Variants in RBFOX1 observed in about 807,000 individuals in gnomAD.
RBFOX1 encodes RNA binding fox-1 homolog 1, also known as RNA binding protein fox-1 homolog 1.
A neutral mutation model predicts 57.7 loss-of-function variants in RBFOX1; 8 were observed. The ratio of observed to expected loss-of-function variants is 0.14; its 90% confidence interval spans 0.08 to 0.25. The LOEUF (loss-of-function observed/expected upper bound fraction) is 0.25, where lower values mean the gene tolerates loss of function less well. Ranked by LOEUF, RBFOX1 falls within the 10% of genes least tolerant of loss-of-function variation. RBFOX1 has a pLI of 1.00. For missense variants in RBFOX1, 611 were observed against 548.5 expected (o/e 1.11, Z -1.14); for synonymous variants, 326 against 222.4 (o/e 1.47, Z -4.15).
intron 2 of RBFOX1, among the ~76,000 whole-genome samples, chr16:6,627,174 T>C (rs1408587405): frequency 6.6e-6 from 1 of 152,108 alleles, no homozygotes; most frequent in Non-Finnish European, 1.5e-5. Flanking sequence ...CCTACAACCA[T>C]ATCTAGATCT....
intron 3 of RBFOX1, among the ~76,000 whole-genome samples, chr16:7,025,317 A>G (rs537696374): frequency 6.6e-6 from 1 of 152,230 alleles, no homozygotes; most frequent in East Asian, 2.0e-4. Flanking sequence ...GGACGACCAG[A>G]GGTCCCTCTC....
At chr16:7,603,694 A>G (rs1346307124) in intron 9 of RBFOX1, among the ~76,000 whole-genome samples, 1 of 152,176 alleles carries the variant, frequency 6.6e-6, no homozygotes, top group African/African-American at 2.4e-5. Flanking sequence ...AAAGATGAAA[A>G]TGGCCAGTGT....
intron 4 of RBFOX1, among the ~76,000 whole-genome samples, chr16:7,381,852 G>T (rs573632944): frequency 3.3e-5 from 5 of 152,254 alleles, no homozygotes; most frequent in South Asian, 2.1e-4. Context: ...TGAGTGCTTT[G>T]TTGGGCATTT....
At chr16:6,977,562 A>T (rs1027958163) in intron 3 of RBFOX1, among the ~76,000 whole-genome samples, 1 of 152,040 alleles carries the variant, frequency 6.6e-6, no homozygotes, top group Non-Finnish European at 1.5e-5. Flanking sequence ...TGACAATTGG[A>T]CACACGTCTG....
intron 2 of RBFOX1, chr16:6,483,707 G>A (rs1420354490): frequency 7.0e-7 from 1 of 1,429,676 alleles, no homozygotes; most frequent in South Asian, 1.4e-5. Flanking sequence ...GGCGACAGGG[G>A]GAGGAGTGTG....
intron 4 of RBFOX1, among the ~76,000 whole-genome samples, chr16:7,359,060 A>T (rs999741874): frequency 6.6e-5 from 10 of 152,202 alleles, no homozygotes; most frequent in African/African-American, 1.9e-4. Context: ...CTCACTTGGT[A>T]ATTGTCAGCT....
At chr16:7,092,187 C>G (rs912158383) in intron 4 of RBFOX1, among the ~76,000 whole-genome samples, 2 of 152,174 alleles carry the variant, frequency 1.3e-5, no homozygotes, top group African/African-American at 4.8e-5. Context: ...TACAAAGTTA[C>G]AAGGTATACC....
intron 3 of RBFOX1, among the ~76,000 whole-genome samples, chr16:6,783,832 T>C (rs1026293432): frequency 6.6e-6 from 1 of 152,142 alleles, no homozygotes; most frequent in African/African-American, 2.4e-5. Flanking sequence ...ACAGATCTAG[T>C]GTTGATGAAT....
chr16:5,594,969 T>TAAA (rs34885484), intron 2 of RBFOX1, among the ~76,000 whole-genome samples: 40 of 90,450 alleles, frequency 4.4e-4, no homozygotes, highest in African/African-American at 1.8e-3. Context: ...CTGTCTCTAC[T>TAAA]AAAAAAAAAA....
At chr16:7,461,843 G>T (rs752409565) in intron 4 of RBFOX1, among the ~76,000 whole-genome samples, 48 of 152,214 alleles carry the variant, frequency 3.2e-4, no homozygotes, top group Non-Finnish European at 2.6e-4. Flanking sequence ...ATGTGAGGGG[G>T]CACAGGCATT....
intron 4 of RBFOX1, among the ~76,000 whole-genome samples, chr16:7,368,789 A>G (rs947116035): frequency 6.7e-6 from 1 of 150,256 alleles, no homozygotes; most frequent in Non-Finnish European, 1.5e-5. Flanking sequence ...CAAAAAAAAA[A>G]AAAAAAATAA....
In RBFOX1 at chr16:6,421,844, C is replaced by G. The variant is rs200764275; in HGVS notation, c.-64+104787C>G. On this transcript the variant is annotated intron_variant, in intron 2 of 15. Transcript: ENST00000550418. ...CCGTCTTATGCTAAAAGACCTCCCC[C>G]CTCCTCAGTCACAAATCCCATCAAA... Among the ~76,000 whole-genome samples the G allele has an allele frequency of 3.4e-5, 5 of 148,034 alleles. No individual in the cohort carries two copies. In the East Asian group the frequency reaches 7.7e-4, roughly 23 times the overall value.
chr16:7,472,730 C>G (rs1436465773), intron 4 of RBFOX1, among the ~76,000 whole-genome samples: 2 of 152,066 alleles, frequency 1.3e-5, no homozygotes, highest in Non-Finnish European at 2.9e-5. Flanking sequence ...GACAGGAAAA[C>G]CAAGTTCCCA....
intron 1 of RBFOX1, among the ~76,000 whole-genome samples, chr16:5,389,064 C>G (rs776270755): frequency 1.3e-4 from 20 of 151,394 alleles, no homozygotes; most frequent in Non-Finnish European, 1.9e-4. Flanking sequence ...GGTGGCAGGC[C>G]CCTGTAGTCC....
chr16:5,763,862 A>C (rs140255892), intron 3 of RBFOX1, among the ~76,000 whole-genome samples: 1 of 151,672 alleles, frequency 6.6e-6, no homozygotes, highest in Non-Finnish European at 1.5e-5. Context: ...TTAAGTAGCA[A>C]CTCCTTCTTT....
At chr16:6,568,218 G>A (rs1017550749) in intron 2 of RBFOX1, among the ~76,000 whole-genome samples, 7 of 152,220 alleles carry the variant, frequency 4.6e-5, no homozygotes, top group Non-Finnish European at 1.0e-4. Context: ...GAATCTGGGA[G>A]TGGCTCTAGC....
At chr16:6,503,604 C>CAGGCTTGCTT (rs1448457861) in intron 2 of RBFOX1, among the ~76,000 whole-genome samples, 2 of 152,154 alleles carry the variant, frequency 1.3e-5, no homozygotes, top group Admixed American at 6.5e-5. Context: ...GCCTTTTCGG[C>CAGGCTTGCTT]AGGCTTGCTT....
At chr16:5,985,151 C>T (rs1052664177) in intron 4 of RBFOX1, among the ~76,000 whole-genome samples, 1 of 150,372 alleles carries the variant, frequency 6.7e-6, no homozygotes, top group African/African-American at 2.4e-5. Context: ...ATACCCGGCT[C>T]ATATATATAT....
Position 5,840,478 on chromosome 16 carries a change from G to A in RBFOX1, c.319-26825G>A, listed in dbSNP as rs138954934. On this transcript the variant is annotated intron_variant, in intron 3 of 19. Coordinates refer to the RBFOX1 transcript ENST00000641259. ...ATTTTGTGCTGATAGGCCTGGCGGTGACCTGGCTCTACACCTCTCCTGTGC... is the reference window on the plus strand; with the variant it reads ...ATTTTGTGCTGATAGGCCTGGCGGTAACCTGGCTCTACACCTCTCCTGTGC... Among the ~76,000 whole-genome samples the A allele has an allele frequency of 1.1e-3, 171 of 151,228 alleles. 2 individuals are homozygous for A. Among genetic ancestry groups the A allele is most frequent in the African/African-American group, 4.0e-3 (165 of 41,206 alleles).
Sources: allele counts gnomAD v4.1 joint callset (sites outside exome capture counted in the v4.1 genomes callset), GRCh38; gene constraint gnomAD v4.1.1; transcripts MANE v1.5; gene names NCBI Gene and HGNC (gene_info 2026-07-23, HGNC 2026-07-21).